PNKP: variants seen among roughly 807,000 people sequenced by gnomAD.
The protein encoded by PNKP is bifunctional polynucleotide phosphatase/kinase.
A neutral mutation model predicts 66.2 loss-of-function variants in PNKP; 82 were observed. That is an observed-to-expected ratio of 1.24 (90% confidence interval 1.04 to 1.49). PNKP has a LOEUF of 1.49. PNKP is among the 40% of genes most tolerant of loss of function. The pLI is 0.00. For missense variants in PNKP, 907 were observed against 706.8 expected (o/e 1.28, Z -3.21); for synonymous variants, 412 against 298.9 (o/e 1.38, Z -3.90).
Position 49,865,992 on chromosome 19 carries a change from C to A in PNKP, c.198+407G>T, listed in dbSNP as rs1189776605. The A allele has an allele frequency of 9.1e-6, 3 of 328,930 alleles. No individual in the cohort carries two copies. In the East Asian group the frequency reaches 2.4e-4, roughly 26 times the overall value. The allele number at this position is 328,930 out of a possible 1,614,324, so 20.4% of individuals were successfully genotyped here. On this transcript the variant is annotated intron_variant, in intron 3 of 16. Coordinates refer to ENST00000322344, the MANE Select transcript of PNKP (RefSeq NM_007254.4). ...ACACTTCTTTCTTTACTGGACACAT[C>A]CCCTTCTCTCCCAGCCATATTTTTT... is the stretch of plus-strand genomic sequence containing the variant.
At chr19:49,865,994 C>T (rs1486767797) in intron 3 of PNKP, 1 of 328,990 alleles carries the variant, frequency 3.0e-6, no homozygotes, top group Non-Finnish European at 5.9e-6. Flanking sequence ...GGACACATCC[C>T]CTTCTCTCCC....
chr19:49,862,163 C>G (rs756988139), intron 12 of PNKP, 22 bp downstream of exon 12: 1 of 1,613,438 alleles, frequency 6.2e-7, no homozygotes, highest in Non-Finnish European at 8.5e-7. Flanking sequence ...TCAGGGCACG[C>G]GCACAGGAAC....
In PNKP at chr19:49,862,459, G is replaced by A. The variant is rs974787744; in HGVS notation, c.941C>T (p.Ala314Val). 3 of 1,591,050 alleles carry A rather than the reference G, an allele frequency of 1.9e-6. No individual in the cohort carries two copies. The highest frequency in any genetic ancestry group is 2.3e-5 in the East Asian group (1 of 43,764). ...GGCGAAGGGCAGGCCAAGGTTGAGGGCAAACTAGGGGTTGAGGACGAACAT... is the reference window on the plus strand; with the variant it reads ...GGCGAAGGGCAGGCCAAGGTTGAGGACAAACTAGGGGTTGAGGACGAACAT... The part of the protein sequence containing the change: ...KDFSCADRLF[A>V]LNLGLPFATP... Residue 314 changes from alanine to valine, a missense_variant, in exon 11 of 17, where the codon GCC becomes GTC. By Grantham distance (64) the Ala-to-Val change is moderately conservative. Transcript: ENST00000322344.
At position 49,861,838 on chromosome 19, in the gene PNKP, G is replaced by T; in HGVS notation, c.1232C>A (p.Thr411Lys). 6.3e-7 allele frequency: 1 copy of T among 1,593,120 alleles called. No individual in the cohort carries two copies. The highest frequency in any genetic ancestry group is 8.5e-7 in the Non-Finnish European group (1 of 1,172,374). ...GACCCGTTTCCCTTGCTTCAGGGCT[G>T]TCTCACACGTGGTCACACAGCGCTG... Reference protein sequence around the residue: ...SWQRCVTTCETALKQGKRVAI... With the variant: ...SWQRCVTTCEKALKQGKRVAI... The change falls in exon 14 of 17, where the codon ACA becomes AAA. Residue 411 changes from threonine to lysine, a missense_variant. Transcript: ENST00000322344.
chr19:49,866,410 C>T lies in PNKP; in HGVS notation c.187G>A (p.Ala63Thr). Reference protein sequence around the residue: ...LVADPETRTVAVKQLGVNPST... With the variant: ...LVADPETRTVTVKQLGVNPST... Reference sequence around the variant, plus strand: ...AGAGGCACTGATACCTGTTTCACTGCCACTGTCCGGGTCTCAGGATCTGCG... The same window carrying T: ...AGAGGCACTGATACCTGTTTCACTGTCACTGTCCGGGTCTCAGGATCTGCG... The change falls in exon 3 of 17, where the codon GCA becomes ACA. Residue 63 changes from alanine to threonine, a missense_variant. Ala to Thr is a moderately conservative substitution (Grantham distance 58). Transcript: ENST00000322344. 1 of 1,614,134 alleles carries T rather than the reference C, an allele frequency of 6.2e-7. No homozygotes were observed. Among genetic ancestry groups the T allele is most frequent in the African/African-American group, 1.3e-5 (1 of 75,060 alleles).
Position 49,865,292 on chromosome 19 carries a change from T to C in PNKP, c.333A>G (p.Thr111=). ...GCGGAGTATCTGGCTGGGATTCTGG[T>C]GTGCGGGTCTCTTCCCAGCGCAGGG... ...PLTLRWEETR[T]PESQPDTPPG... is the part of the protein sequence containing the mutation. Residue 111 remains threonine (T), a synonymous_variant, in exon 4 of 17, where the codon ACA becomes ACG. Coordinates refer to ENST00000322344, the MANE Select transcript of PNKP (RefSeq NM_007254.4). 6.2e-7 allele frequency: 1 copy of C among 1,614,224 alleles called. No individual in the cohort carries two copies. The highest frequency in any genetic ancestry group is 1.1e-5 in the South Asian group (1 of 91,084).
intron 10 of PNKP, 29 bp downstream of exon 10, chr19:49,862,509 G>A (rs773922102): frequency 1.2e-6 from 2 of 1,601,344 alleles, no homozygotes; most frequent in Non-Finnish European, 8.5e-7. Context: ...GGTCGGGCTC[G>A]GGCGCGGGGC....
In PNKP at chr19:49,862,595, GCGTCCGGCTGCGTCTGGAACA is replaced by G; in HGVS notation, c.866-8_878del. 1.9e-6 allele frequency: 3 copies of G among 1,613,580 alleles called. No individual in the cohort carries two copies. The highest frequency in any genetic ancestry group is 2.5e-6 in the Non-Finnish European group (3 of 1,179,742). On this transcript the variant is annotated splice_acceptor_variant and splice_polypyrimidine_tract_variant and coding_sequence_variant and intron_variant, in exon 10 of 17. Coordinates refer to ENST00000322344, the MANE Select transcript of PNKP (RefSeq NM_007254.4). LOFTEE classifies it high-confidence loss of function. ...TCCGCCCCGGGGCCCAGTTGGCCGG[GCGTCCGGCTGCGTCTGGAACA>G]CACGGGACACCCCGTTCCCACCAGC... is the stretch of plus-strand genomic sequence containing the variant.
At position 49,865,316 on chromosome 19, in the gene PNKP, G is replaced by C. The variant is rs1211079144; in HGVS notation, c.309C>G (p.Thr103=). The C allele has an allele frequency of 6.2e-7, 1 of 1,614,154 alleles. No individual in the cohort carries two copies. Among genetic ancestry groups the C allele is most frequent in the Non-Finnish European group, 8.5e-7 (1 of 1,180,018 alleles). The part of the protein sequence containing the change: ...LYLVNGLHPL[T]LRWEETRTPE... ...GTGTGCGGGTCTCTTCCCAGCGCAG[G>C]GTCAGTGGGTGGAGGCCATTGACCA... Residue 103 remains threonine, a synonymous_variant, in exon 4 of 17, where the codon ACC becomes ACG. Transcript: ENST00000322344.
In PNKP at chr19:49,862,015, G is replaced by A. The variant is rs752773107; in HGVS notation, c.1188+29C>T. 5.6e-6 allele frequency: 9 copies of A among 1,612,886 alleles called. No homozygotes were observed. The East Asian group carries it at 1.6e-4, about 28-fold the overall frequency. ...AGGTGGAGATGGGAACTTTATAATA[G>A]ATTTGGGGCGGCAAAAGCCTGGTCA... On this transcript the variant is annotated intron_variant, in intron 13 of 16. Coordinates refer to ENST00000322344, the MANE Select transcript of PNKP (RefSeq NM_007254.4).
chr19:49,866,348 TC>T (rs2074820413), intron 3 of PNKP, 50 bp downstream of exon 3: 2 of 1,548,534 alleles, frequency 1.3e-6, no homozygotes, highest in Non-Finnish European at 8.9e-7. Context: ...TTGCAATTCC[TC>T]CCCAAATCCC....
chr19:49,865,561 G>C (rs574268268), intron 3 of PNKP, 135 bp from the exon 4 acceptor site: 6 of 635,264 alleles, frequency 9.4e-6, no homozygotes, highest in South Asian at 3.7e-5. Flanking sequence ...ACTTTGGAAC[G>C]GGCTTTGGAA....
In PNKP at chr19:49,867,179, C is replaced by A. The variant is rs775560579; in HGVS notation, c.26G>T (p.Arg9Leu). The A allele has an allele frequency of 1.2e-6, 2 of 1,611,866 alleles. No homozygotes were observed. The highest frequency in any genetic ancestry group is 8.5e-7 in the Non-Finnish European group (1 of 1,179,374). Reference protein sequence around the residue: MGEVEAPGRLWLESPPGGA... With the variant: MGEVEAPGLLWLESPPGGA... ...CCCAGGGGGGCTCTCGAGCCACAAG[C>A]GGCCCGGGGCCTCCACCTCGCCCAT... Residue 9 changes from arginine (R) to leucine (L), a missense_variant, in exon 2 of 17, where the codon CGC becomes CTC. Physicochemically the swap from Arg to Leu is moderately radical, Grantham distance 102. Transcript: ENST00000322344.
In PNKP at chr19:49,866,390, C is replaced by T. The variant is rs370222304; in HGVS notation, c.198+9G>A. On this transcript the variant is annotated intron_variant, in intron 3 of 16. Coordinates refer to ENST00000322344, the MANE Select transcript of PNKP (RefSeq NM_007254.4). ...CAGGCCTTGCTGGCCCTTGCAGAGG[C>T]ACTGATACCTGTTTCACTGCCACTG... 3.8e-5 allele frequency: 62 copies of T among 1,613,146 alleles called. 1 individual carries two copies. In the African/African-American group the frequency reaches 6.8e-4, roughly 18 times the overall value.
chr19:49,866,595 C>T, intron 2 of PNKP, 150 bp from the exon 3 acceptor site: 1 of 758,656 alleles, frequency 1.3e-6, no homozygotes, highest in Non-Finnish European at 2.4e-6. Flanking sequence ...CATGCAGTAG[C>T]CAGATAGTGG....
At chr19:49,865,034 G>A in intron 4 of PNKP, 93 bp downstream of exon 4, 1 of 1,019,532 alleles carries the variant, frequency 9.8e-7, no homozygotes, top group Non-Finnish European at 1.5e-6. Flanking sequence ...TCTCAGAAAA[G>A]TAAGTAGAGG....
rs532109343 is a variant in PNKP at position 49,863,044 on chromosome 19, C to T, written c.817-306G>A. ...GCGTGCCGGCGCCTCCCAGGTTCCC[C>T]CTCCCTCAGGGCAAAAGCGGGGCCC... On this transcript the variant is annotated intron_variant, in intron 8 of 16. Transcript: ENST00000322344. 5.3e-5 allele frequency among the ~76,000 whole-genome samples: 8 copies of T among 152,318 alleles called. No homozygotes were observed. In the South Asian group the frequency reaches 1.7e-3, roughly 32 times the overall value.
chr19:49,862,750 G>A lies in PNKP; in HGVS notation c.817-12C>T, dbSNP rs369567366. On this transcript the variant is annotated splice_polypyrimidine_tract_variant and intron_variant, in intron 8 of 16. Transcript: ENST00000322344. ...GTGCCGTCGTTGGCCTACGGGAGAC[G>A]GTAGTGAGGAGGCCCTTCCCACAAA... 43 of 1,613,816 alleles carry A rather than the reference G, an allele frequency of 2.7e-5. No homozygotes were observed. The highest frequency in any genetic ancestry group is 3.3e-5 in the Non-Finnish European group (39 of 1,179,886).
At position 49,862,562 on chromosome 19, in the gene PNKP, TTTC is replaced by T; in HGVS notation, c.909_911del (p.Lys304del). ...CCAGGCGATCGGCGCAGGAGAAGTC[TTTC>T]TTCTTCCGCCCCGGGGCCCAGTTGG... On this transcript the variant is annotated inframe_deletion, in exon 10 of 17. Coordinates refer to ENST00000322344, the MANE Select transcript of PNKP (RefSeq NM_007254.4). 3 of 1,612,570 alleles carry T rather than the reference TTTC, an allele frequency of 1.9e-6. No individual in the cohort carries two copies. The highest frequency in any genetic ancestry group is 1.7e-6 in the Non-Finnish European group (2 of 1,179,296).
Sources: allele counts gnomAD v4.1 joint callset (sites outside exome capture counted in the v4.1 genomes callset), GRCh38; gene constraint gnomAD v4.1.1; transcripts MANE v1.5; gene names NCBI Gene and HGNC (gene_info 2026-07-23, HGNC 2026-07-21).